SCRN1: variants seen among roughly 807,000 people sequenced by gnomAD.
The protein encoded by SCRN1 is secernin 1.
Under a neutral mutation model 43.3 loss-of-function variants are expected in SCRN1, and 19 were observed. The ratio of observed to expected loss-of-function variants is 0.44; its 90% CI spans 0.31 to 0.64. The LOEUF is 0.64. SCRN1 is among the 30% of genes least tolerant of loss of function. The pLI is 0.09. For missense variants in SCRN1, 447 were observed against 524.1 expected, an observed-to-expected ratio of 0.85 and a Z score of 1.44; for synonymous variants, 183 against 188.9, an observed-to-expected ratio of 0.97 and a Z score of 0.26.
At chr7:29,973,715 T>C (rs1788730213) in intron 1 of SCRN1, among the ~76,000 whole-genome samples, 1 of 152,212 alleles carries the variant, frequency 6.6e-6, no homozygotes, top group Non-Finnish European at 1.5e-5. Context: ...TTGCCTGTGA[T>C]AGGAAGGAAA....
At chr7:29,925,175 C>G (rs1191229752) in intron 7 of SCRN1, among the ~76,000 whole-genome samples, 3 of 152,172 alleles carry the variant, frequency 2.0e-5, no homozygotes, top group Non-Finnish European at 2.9e-5. Context: ...TTCCGATTAT[C>G]TGCCAGCCTT....
chr7:29,985,417 TAAATAA>T (rs956911156), intron 1 of SCRN1, among the ~76,000 whole-genome samples: 4 of 149,924 alleles, frequency 2.7e-5, no homozygotes, highest in Admixed American at 6.7e-5. Context: ...AAAAAATAAA[TAAATAA>T]AAATAAAAAT....
chr7:29,972,933 T>C (rs1788709519), intron 1 of SCRN1, among the ~76,000 whole-genome samples: 1 of 152,192 alleles, frequency 6.6e-6, no homozygotes, highest in Non-Finnish European at 1.5e-5. Context: ...AATAGCCACA[T>C]GTAGCTAGTA....
chr7:29,975,283 C>T (rs983939405), intron 1 of SCRN1, among the ~76,000 whole-genome samples: 28 of 152,092 alleles, frequency 1.8e-4, no homozygotes, highest in Admixed American at 5.2e-4. Context: ...AATCAGTGAA[C>T]AGAGTTTGTC....
At chr7:29,947,792 T>G (rs762845877) in intron 3 of SCRN1, among the ~76,000 whole-genome samples, 1 of 152,152 alleles carries the variant, frequency 6.6e-6, no homozygotes, top group Non-Finnish European at 1.5e-5. Context: ...GATGAGGTCA[T>G]GAGGGGTGGA....
At position 29,955,171 on chromosome 7, in the gene SCRN1, T is replaced by C. The variant is rs752170417; in HGVS notation, c.341+8A>G. On this transcript the variant is annotated splice_region_variant and intron_variant, in intron 3 of 7. Coordinates refer to ENST00000242059, the MANE Select transcript of SCRN1 (RefSeq NM_014766.5). ...AGGAAGTTGTTTCAAAGAATCACCA[T>C]GCAGTACCTGACCAGATCCATCCCC... 6 of 1,611,304 alleles carry C rather than the reference T, an allele frequency of 3.7e-6. No homozygotes were observed. The highest frequency in any genetic ancestry group is 5.1e-6 in the Non-Finnish European group (6 of 1,178,632).
At position 29,955,195 on chromosome 7, in the gene SCRN1, C is replaced by T; in HGVS notation, c.325G>A (p.Gly109Arg). The T allele has an allele frequency of 1.2e-6, 2 of 1,614,080 alleles. No homozygotes were observed. Among genetic ancestry groups the T allele is most frequent in the Non-Finnish European group, 1.7e-6 (2 of 1,179,976 alleles). ...ATGCAGTACCTGACCAGATCCATCC[C>T]CAGCAAGGCTTCTATCTCGGCAGCT... Reference protein sequence around the residue: ...EPAAEIEALLGMDLVRLGLER... With the variant: ...EPAAEIEALLRMDLVRLGLER... Residue 109 changes from glycine to arginine, a missense_variant, in exon 3 of 8, where the codon GGG (glycine) becomes AGG (arginine). Physicochemically the swap from Gly to Arg is moderately radical, Grantham distance 125. Transcript: ENST00000242059.
Position 29,924,090 on chromosome 7 carries a change from G to T in SCRN1, c.1112C>A (p.Thr371Asn). ...GCCTTGCTTCTCCAGCTCCAGCATGGTGCTCCTCAGCTTGCGACCTTGCTC... is the reference window on the plus strand; with the variant it reads ...GCCTTGCTTCTCCAGCTCCAGCATGTTGCTCCTCAGCTTGCGACCTTGCTC... ...DQEQGRKLRS[T>N]MLELEKQGLE... is the part of the protein sequence containing the mutation. Residue 371 changes from threonine to asparagine, a missense_variant, in exon 8 of 8, where the codon ACC becomes AAC. Thr to Asn is a moderately conservative substitution (Grantham distance 65). Transcript: ENST00000242059. The T allele has an allele frequency of 1.2e-6, 2 of 1,613,364 alleles. No individual in the cohort carries two copies.
chr7:29,951,491 C>T (rs188869105), intron 3 of SCRN1, among the ~76,000 whole-genome samples: 53 of 152,266 alleles, frequency 3.5e-4, no homozygotes, highest in African/African-American at 1.0e-3. Context: ...AAAGCAACAC[C>T]GTAAGGATCG....
intron 3 of SCRN1, among the ~76,000 whole-genome samples, chr7:29,947,476 T>C (rs953197775): frequency 4.6e-5 from 7 of 152,326 alleles, no homozygotes; most frequent in South Asian, 2.1e-4. Context: ...GCCATGGATA[T>C]ATAATCACTG....
chr7:29,924,891 G>A (rs1049480333), intron 7 of SCRN1, among the ~76,000 whole-genome samples: 19 of 152,150 alleles, frequency 1.2e-4, no homozygotes, highest in Admixed American at 1.0e-3. Context: ...CTCACCACCC[G>A]CCCACCACTG....
chr7:29,967,042 C>A (rs1314329497), intron 2 of SCRN1, among the ~76,000 whole-genome samples: 1 of 151,948 alleles, frequency 6.6e-6, no homozygotes, highest in Non-Finnish European at 1.5e-5. Context: ...GCACAATCAT[C>A]AGAAAAATCA....
intron 2 of SCRN1, among the ~76,000 whole-genome samples, chr7:29,956,312 T>C (rs1788135153): frequency 6.6e-6 from 1 of 152,176 alleles, no homozygotes; most frequent in African/African-American, 2.4e-5. Flanking sequence ...CAGAGGAACC[T>C]GCAACTAGCT....
Position 29,940,939 on chromosome 7 carries a change from G to C in SCRN1, c.545-63C>G, listed in dbSNP as rs968786487. The stretch of plus-strand genomic sequence containing the variant: ...CTTATAAAGACTTAATCAACAAATG[G>C]AAATGTATAGGGAATCCTTTTCCTG... On this transcript the variant is annotated intron_variant, in intron 4 of 7. Coordinates refer to ENST00000242059, the MANE Select transcript of SCRN1 (RefSeq NM_014766.5). The C allele has an allele frequency of 3.8e-5, 51 of 1,326,352 alleles. No individual in the cohort carries two copies. In the African/African-American group the frequency reaches 7.0e-4, roughly 18 times the overall value. The allele number at this position is 1,326,352 out of a possible 1,614,324, so 82.2% of individuals were successfully genotyped here.
intron 7 of SCRN1, 72 bp downstream of exon 7, chr7:29,926,380 C>T: frequency 6.6e-7 from 1 of 1,522,846 alleles, no homozygotes; most frequent in Non-Finnish European, 9.0e-7. Context: ...ACATCTGCTT[C>T]CCTGCCTCCT....
rs757611798 is a variant in SCRN1 at position 29,940,672 on chromosome 7, A to G, written c.739+10T>C. The G allele has an allele frequency of 6.3e-7, 1 of 1,589,038 alleles. No individual in the cohort carries two copies. Among genetic ancestry groups the G allele is most frequent in the Non-Finnish European group, 8.5e-7 (1 of 1,171,922 alleles). On this transcript the variant is annotated intron_variant, in intron 5 of 7. Coordinates refer to ENST00000242059, the MANE Select transcript of SCRN1 (RefSeq NM_014766.5). ...TGAGAAGGAGAATCGTGAGGGAGAGACTAACTCACCTTCTTGTTTTTCTAA... is the reference window on the plus strand; with the variant it reads ...TGAGAAGGAGAATCGTGAGGGAGAGGCTAACTCACCTTCTTGTTTTTCTAA...
chr7:29,968,773 T>C, intron 2 of SCRN1, 136 bp downstream of exon 2: 1 of 1,086,552 alleles, frequency 9.2e-7, no homozygotes. Flanking sequence ...CAAACCTGCA[T>C]GGAAACAGGA....
chr7:29,976,874 G>C (rs1016408325), intron 1 of SCRN1, among the ~76,000 whole-genome samples: 3 of 152,212 alleles, frequency 2.0e-5, no homozygotes, highest in African/African-American at 7.2e-5. Context: ...TGAGGGACTG[G>C]AGTACTGTAC....
At chr7:29,940,570 G>A (rs1288063210) in intron 5 of SCRN1, 112 bp downstream of exon 5, 2 of 998,832 alleles carry the variant, frequency 2.0e-6, no homozygotes, top group African/African-American at 3.4e-5. Context: ...TTACATACAA[G>A]GACTATTCTG....
Sources: gnomAD v4.1 joint callset for allele counts (sites outside exome capture counted in the v4.1 genomes callset) on GRCh38, gnomAD v4.1.1 for gene constraint, MANE v1.5 for transcripts, NCBI Gene and HGNC (gene_info 2026-07-23, HGNC 2026-07-21) for gene names.